NPLOC4: variants seen among roughly 807,000 people sequenced by gnomAD.
NPLOC4 encodes nuclear protein localization protein 4 homolog.
Under a neutral mutation model 80.6 loss-of-function variants are expected in NPLOC4, and 18 were observed. The ratio of observed to expected loss-of-function variants is 0.22; its 90% confidence interval spans 0.15 to 0.33. The LOEUF is 0.33. Ranked by LOEUF, NPLOC4 falls within the 10% of genes least tolerant of loss-of-function variation. The pLI, the probability that NPLOC4 is intolerant of heterozygous loss-of-function variation, is 1.00. For synonymous variants in NPLOC4, 313 were observed against 301.5 expected (o/e 1.04, Z -0.39); for missense variants, 540 against 786.1 (o/e 0.69, Z 3.74).
At chr17:81,600,049 A>C (rs1348409915) in intron 9 of NPLOC4, among the ~76,000 whole-genome samples, 1 of 151,828 alleles carries the variant, frequency 6.6e-6, no homozygotes, top group Non-Finnish European at 1.5e-5. Context: ...AGCAGTCCTC[A>C]TGAAGTGTGG....
At chr17:81,631,421 C>CATATATATATATATAT (rs1415379403) in intron 1 of NPLOC4, among the ~76,000 whole-genome samples, 16 of 49,468 alleles carry the variant, frequency 3.2e-4, no homozygotes, top group African/African-American at 1.1e-3. Context: ...TTAAAGTGTA[C>CATATATATATATATAT]ATATATATAT....
intron 4 of NPLOC4, among the ~76,000 whole-genome samples, chr17:81,610,495 C>T (rs1348491582): frequency 1.3e-5 from 2 of 152,098 alleles, no homozygotes; most frequent in East Asian, 3.9e-4. Flanking sequence ...TCCCTGCAGC[C>T]TTCACCTCCT....
chr17:81,589,160 A>G (rs1306716746), intron 11 of NPLOC4, 56 bp from the exon 12 acceptor site: 26 of 1,471,402 alleles, frequency 1.8e-5, no homozygotes, highest in Admixed American at 4.0e-5. Flanking sequence ...AAACCAGTCC[A>G]TATCTGTTAA....
intron 12 of NPLOC4, among the ~76,000 whole-genome samples, chr17:81,583,006 G>A (rs2034486045): frequency 1.3e-5 from 2 of 152,276 alleles, no homozygotes; most frequent in African/African-American, 4.8e-5. Flanking sequence ...ACTCACAACT[G>A]AGCGCCCATG....
At chr17:81,560,487 T>C (rs2033816950) in intron 16 of NPLOC4, 2 of 151,908 alleles carry the variant, frequency 1.3e-5, no homozygotes, top group East Asian at 3.9e-4. Flanking sequence ...GGTGGGCAGA[T>C]CACAAATTCA....
At chr17:81,612,734 C>CA (rs35396713) in intron 4 of NPLOC4, 82,044 of 152,062 alleles carry the variant, frequency 0.54, 23,174 homozygotes, top group East Asian at 0.77. Context: ...CTAAAATAAA[C>CA]AATGTACATA....
At chr17:81,628,350 TA>T (rs1165081104) in intron 2 of NPLOC4, among the ~76,000 whole-genome samples, 2 of 151,768 alleles carry the variant, frequency 1.3e-5, no homozygotes, top group African/African-American at 4.8e-5. Flanking sequence ...CCGTCTCTAC[TA>T]AAAATACAAA....
chr17:81,613,244 G>C (rs1190384105), intron 4 of NPLOC4, 74 bp downstream of exon 4: 1 of 1,332,102 alleles, frequency 7.5e-7, no homozygotes, highest in African/African-American at 1.5e-5. Flanking sequence ...AACAAGACAT[G>C]TTATAAATAT....
intron 3 of NPLOC4, 33 bp from the exon 4 acceptor site, chr17:81,613,527 C>T: frequency 6.3e-7 from 1 of 1,585,070 alleles, no homozygotes; most frequent in Non-Finnish European, 8.6e-7. Flanking sequence ...CTGATGCCTT[C>T]CCTTACCACC....
intron 2 of NPLOC4, among the ~76,000 whole-genome samples, chr17:81,622,751 A>G: frequency 6.6e-6 from 1 of 152,004 alleles, no homozygotes; most frequent in East Asian, 1.9e-4. Flanking sequence ...GAGTTTCACC[A>G]TGTTGGCCAC....
chr17:81,579,101 G>A (rs1019475946), intron 12 of NPLOC4, among the ~76,000 whole-genome samples: 33 of 152,206 alleles, frequency 2.2e-4, no homozygotes, highest in African/African-American at 7.0e-4. Context: ...ACTGTTTAGC[G>A]TGGTGGCTCA....
At chr17:81,600,001 G>A (rs2035021190) in intron 9 of NPLOC4, among the ~76,000 whole-genome samples, 1 of 152,200 alleles carries the variant, frequency 6.6e-6, no homozygotes, top group Admixed American at 6.5e-5. Context: ...GCACAGAGGA[G>A]CCAGCAGGGG....
chr17:81,601,352 A>G (rs931684044), intron 8 of NPLOC4, among the ~76,000 whole-genome samples: 1 of 152,254 alleles, frequency 6.6e-6, no homozygotes, highest in African/African-American at 2.4e-5. Flanking sequence ...GTTAAATCAC[A>G]AACTCAGAGA....
intron 12 of NPLOC4, among the ~76,000 whole-genome samples, chr17:81,578,160 C>T (rs573472095): frequency 5.4e-4 from 83 of 152,338 alleles, no homozygotes; most frequent in African/African-American, 1.9e-3. Flanking sequence ...AGGAACATTC[C>T]AGAACTCACT....
chr17:81,581,661 A>G (rs2034444671), intron 12 of NPLOC4, among the ~76,000 whole-genome samples: 1 of 152,208 alleles, frequency 6.6e-6, no homozygotes, highest in Non-Finnish European at 1.5e-5. Flanking sequence ...GTCCATGGGA[A>G]GAGAGTATAC....
At chr17:81,618,618 T>C (rs2144280737) in intron 3 of NPLOC4, among the ~76,000 whole-genome samples, 1 of 148,618 alleles carries the variant, frequency 6.7e-6, no homozygotes, top group South Asian at 2.2e-4. Context: ...GCCGCCCGTC[T>C]GGGAGGTGAG....
chr17:81,622,459 T>C lies in NPLOC4; in HGVS notation c.97-181A>G, dbSNP rs143254712. On this transcript the variant is annotated intron_variant, in intron 2 of 16. Coordinates refer to ENST00000331134, the MANE Select transcript of NPLOC4 (RefSeq NM_017921.4). ...TTTGTACTGTTCACAAAGGTGTCAA[T>C]TAAAATGAATAAAGTGGCCAAAAAA... Among the ~76,000 whole-genome samples, 555 of 152,366 alleles carry C rather than the reference T, an allele frequency of 3.6e-3. 1 individual carries two copies. The highest frequency in any genetic ancestry group is 0.017 in the Middle Eastern group (5 of 294).
rs775476008 is a variant in NPLOC4 at position 81,606,822 on chromosome 17, G to C, written c.531-8C>G. The C allele has an allele frequency of 6.3e-7, 1 of 1,580,272 alleles. No homozygotes were observed. The highest frequency in any genetic ancestry group is 1.1e-5 in the South Asian group (1 of 89,756). On this transcript the variant is annotated splice_polypyrimidine_tract_variant and splice_region_variant and intron_variant, in intron 6 of 16. Transcript: ENST00000331134. Reference sequence around the variant, plus strand: ...AGGGCAACAAACTTCCCCCTACATAGAAGAGAAGCAACTTAAACATCACAT... The same window carrying C: ...AGGGCAACAAACTTCCCCCTACATACAAGAGAAGCAACTTAAACATCACAT...
At position 81,604,647 on chromosome 17, in the gene NPLOC4, C is replaced by T; in HGVS notation, c.735G>A (p.Gly245=). The change falls in exon 8 of 17, where the codon GGG becomes GGA. Residue 245 remains glycine, a synonymous_variant. Transcript: ENST00000331134. ...CGTATAAGTACCCAAAATGCTGGTT[C>T]CCTGTCTTTCTCCAGAAGTCAAGAA... The part of the protein sequence containing the change: ...DRFLDFWRKT[G]NQHFGYLYGR... The T allele has an allele frequency of 3.1e-6, 5 of 1,613,876 alleles. No individual in the cohort carries two copies. Among genetic ancestry groups the T allele is most frequent in the Non-Finnish European group, 4.2e-6 (5 of 1,179,854 alleles).
Sources: gnomAD v4.1 joint callset for allele counts (sites outside exome capture counted in the v4.1 genomes callset) on GRCh38, gnomAD v4.1.1 for gene constraint, MANE v1.5 for transcripts, NCBI Gene and HGNC (gene_info 2026-07-23, HGNC 2026-07-21) for gene names.